CNBD1: variants seen among roughly 807,000 people sequenced by gnomAD.
The protein encoded by CNBD1 is cyclic nucleotide binding domain containing 1.
CNBD1 carries 71 observed loss-of-function variants against 54.4 expected under a neutral mutation model. The observed-to-expected ratio is 1.30, with a 90% CI of 1.08 to 1.59. The LOEUF (loss-of-function observed/expected upper bound fraction) is 1.59. Ranked by LOEUF, CNBD1 falls within the 40% of genes most tolerant of loss-of-function variation. The pLI is 0.00. For synonymous variants in CNBD1, 182 were observed against 170.7 expected (o/e 1.07, Z -0.51); for missense variants, 659 against 518.0 (o/e 1.27, Z -2.64).
intron 4 of CNBD1, among the ~76,000 whole-genome samples, chr8:87,132,417 A>G (rs1241856044): frequency 6.6e-6 from 1 of 151,296 alleles, no homozygotes; most frequent in Admixed American, 6.6e-5. Context: ...GAAAAAGATT[A>G]AATTTATAAG....
chr8:87,385,876 C>T (rs1383090604), downstream of CNBD1, among the ~76,000 whole-genome samples: 1 of 152,158 alleles, frequency 6.6e-6, no homozygotes, highest in Non-Finnish European at 1.5e-5. Context: ...CCAGTAGGGT[C>T]AGACTGACAA....
chr8:87,062,203 A>G (rs1352841445), intron 4 of CNBD1, among the ~76,000 whole-genome samples: 1 of 152,180 alleles, frequency 6.6e-6, no homozygotes, highest in Non-Finnish European at 1.5e-5. Flanking sequence ...TAGTTATTCA[A>G]GGTAAAGTTA....
At chr8:87,050,990 T>C (rs1810299808) in intron 4 of CNBD1, among the ~76,000 whole-genome samples, 1 of 152,192 alleles carries the variant, frequency 6.6e-6, no homozygotes, top group South Asian at 2.1e-4. Flanking sequence ...TTCCCTGAAT[T>C]ACCCATACCT....
At chr8:87,382,000 G>T (rs1181452235) in intron 10 of CNBD1, among the ~76,000 whole-genome samples, 1 of 151,712 alleles carries the variant, frequency 6.6e-6, no homozygotes, top group East Asian at 1.9e-4. Context: ...CTCATGTTAA[G>T]TGTTCTTACC....
At chr8:87,207,402 G>T (rs1813998416) in intron 5 of CNBD1, among the ~76,000 whole-genome samples, 1 of 151,522 alleles carries the variant, frequency 6.6e-6, no homozygotes, top group African/African-American at 2.4e-5. Context: ...TAGAATAATT[G>T]CAAATTATAT....
chr8:86,911,974 CA>C (rs1425381241), intron 3 of CNBD1, among the ~76,000 whole-genome samples: 2 of 151,744 alleles, frequency 1.3e-5, no homozygotes, highest in Non-Finnish European at 2.9e-5. Flanking sequence ...AAAGAGGACA[CA>C]AAAAAGTAAG....
chr8:87,238,016 C>G (rs1807616780), intron 6 of CNBD1, among the ~76,000 whole-genome samples: 2 of 139,918 alleles, frequency 1.4e-5, no homozygotes, highest in Non-Finnish European at 3.0e-5. Flanking sequence ...TCTGCTCTAG[C>G]AAATATGCCA....
At chr8:87,421,046 C>A (rs558419901) in intron 2 of CNBD1, among the ~76,000 whole-genome samples, 30 of 151,960 alleles carry the variant, frequency 2.0e-4, no homozygotes, top group Admixed American at 1.0e-3. Context: ...CAGATAGCAA[C>A]TGAAAATGCT....
At chr8:87,074,306 C>T (rs1810822041) in intron 4 of CNBD1, among the ~76,000 whole-genome samples, 1 of 152,112 alleles carries the variant, frequency 6.6e-6, no homozygotes, top group Admixed American at 6.5e-5. Flanking sequence ...AGACTCCAGC[C>T]TGTTGCCATT....
At chr8:87,243,150 T>G (rs1002133349) in intron 6 of CNBD1, among the ~76,000 whole-genome samples, 2 of 152,224 alleles carry the variant, frequency 1.3e-5, no homozygotes, top group Admixed American at 6.5e-5. Context: ...CCATGAGTAT[T>G]TTATGCATAC....
At chr8:87,112,133 GTGCTTTTGA>G (rs1811676200) in intron 4 of CNBD1, among the ~76,000 whole-genome samples, 1 of 152,138 alleles carries the variant, frequency 6.6e-6, no homozygotes, top group Admixed American at 6.5e-5. Context: ...CCACTTCTCT[GTGCTTTTGA>G]TTCTTCCATC....
intron 3 of CNBD1, among the ~76,000 whole-genome samples, chr8:86,938,478 A>T (rs985557911): frequency 1.3e-5 from 2 of 152,216 alleles, no homozygotes; most frequent in Non-Finnish European, 2.9e-5. Flanking sequence ...GAGGTTTAAT[A>T]GACTCACAGT....
At chr8:86,913,978 C>T (rs1424198955) in intron 3 of CNBD1, among the ~76,000 whole-genome samples, 1 of 152,104 alleles carries the variant, frequency 6.6e-6, no homozygotes, top group African/African-American at 2.4e-5. Flanking sequence ...TGATATTTCT[C>T]TTACCCGTTT....
At chr8:87,418,780 C>A (rs1807878010) in intron 2 of CNBD1, among the ~76,000 whole-genome samples, 2 of 151,748 alleles carry the variant, frequency 1.3e-5, no homozygotes, top group Non-Finnish European at 2.9e-5. Context: ...AATAGGATAT[C>A]AAAATATAAA....
intron 4 of CNBD1, among the ~76,000 whole-genome samples, chr8:87,179,130 C>T (rs144102165): frequency 0.017 from 2,548 of 152,168 alleles, 86 homozygotes; most frequent in African/African-American, 0.059. Context: ...AGGATAGTCT[C>T]GATCTCTTGA....
chr8:87,420,267 A>G (rs1407863922), intron 2 of CNBD1, among the ~76,000 whole-genome samples: 1 of 151,932 alleles, frequency 6.6e-6, no homozygotes, highest in Non-Finnish European at 1.5e-5. Context: ...TCAACTCTTG[A>G]GGGCATTCTT....
intron 5 of CNBD1, among the ~76,000 whole-genome samples, chr8:87,224,325 T>G (rs1055887066): frequency 1.2e-4 from 18 of 150,734 alleles, no homozygotes; most frequent in Non-Finnish European, 1.5e-4. Context: ...CCCATGCCTA[T>G]GTCCTGAATG....
At chr8:87,372,137 A>T (rs1274402711) in intron 10 of CNBD1, among the ~76,000 whole-genome samples, 1 of 152,108 alleles carries the variant, frequency 6.6e-6, no homozygotes, top group African/African-American at 2.4e-5. Flanking sequence ...AACTTCAGCC[A>T]AGTCTCAGGA....
At chr8:87,017,321 C>T (rs1053053183) in intron 4 of CNBD1, among the ~76,000 whole-genome samples, 1 of 152,116 alleles carries the variant, frequency 6.6e-6, no homozygotes, top group African/African-American at 2.4e-5. Context: ...TACTATAAAA[C>T]CAAAGACATG....
Sources: allele counts gnomAD v4.1 joint callset (sites outside exome capture counted in the v4.1 genomes callset), GRCh38; gene constraint gnomAD v4.1.1; transcripts MANE v1.5; gene names NCBI Gene and HGNC (gene_info 2026-07-23, HGNC 2026-07-21).